The following NRP1 variants were observed in gnomAD, a reference collection of about 807,000 sequenced individuals.
NRP1 encodes neuropilin 1, also known as neuropilin-1.
NRP1 carries 35 observed loss-of-function variants against 106.7 expected under a neutral mutation model. The ratio of observed to expected loss-of-function variants is 0.33; its 90% CI spans 0.25 to 0.43. The LOEUF is 0.43. Among genes scored for constraint, NRP1 ranks in the 20% least tolerant of loss-of-function variants. The probability of loss-of-function intolerance (pLI) is 1.00; values close to 1 mark genes in which losing one functional copy is unlikely to be tolerated. For synonymous variants in NRP1, 437 were observed against 417.9 expected, an observed-to-expected ratio of 1.05 and a Z score of -0.56; for missense variants, 1,024 against 1,170.4, an observed-to-expected ratio of 0.87 and a Z score of 1.83.
chr10:33,200,609 C>G (rs1052598483), intron 11 of NRP1, among the ~76,000 whole-genome samples: 7 of 152,290 alleles, frequency 4.6e-5, no homozygotes, highest in Admixed American at 4.6e-4. Flanking sequence ...CAATAACGCT[C>G]TTGGTTTGGT....
At chr10:33,183,041 CA>C (rs1309617944) in intron 15 of NRP1, among the ~76,000 whole-genome samples, 1 of 152,132 alleles carries the variant, frequency 6.6e-6, no homozygotes, top group Non-Finnish European at 1.5e-5. Context: ...TTTTAGGAGA[CA>C]AGGGTGGGCT....
chr10:33,293,698 T>C (rs1451540743), intron 2 of NRP1, among the ~76,000 whole-genome samples: 2 of 152,342 alleles, frequency 1.3e-5, no homozygotes, highest in African/African-American at 2.4e-5. Flanking sequence ...TTCGTTATTT[T>C]TGAAGGAAGA....
At chr10:33,207,871 G>GA (rs199740898) in intron 9 of NRP1, among the ~76,000 whole-genome samples, 155 bp from the exon 10 acceptor site, 3 of 151,974 alleles carry the variant, frequency 2.0e-5, no homozygotes, top group Admixed American at 6.6e-5. Flanking sequence ...AACGAGAAAG[G>GA]AAAAAAACAA....
chr10:33,312,932 A>G (rs1308191420), intron 2 of NRP1, among the ~76,000 whole-genome samples: 2 of 152,176 alleles, frequency 1.3e-5, no homozygotes, highest in Non-Finnish European at 2.9e-5. Context: ...CAGGTTATCA[A>G]TTGCACTTAA....
intron 2 of NRP1, among the ~76,000 whole-genome samples, chr10:33,317,635 G>A (rs1360125453): frequency 1.3e-5 from 2 of 152,160 alleles, no homozygotes; most frequent in Non-Finnish European, 2.9e-5. Flanking sequence ...ATTTATGTAT[G>A]GGTTGGCTTA....
At chr10:33,269,879 G>T (rs915202390) in intron 3 of NRP1, among the ~76,000 whole-genome samples, 9 of 152,184 alleles carry the variant, frequency 5.9e-5, no homozygotes, top group African/African-American at 2.2e-4. Context: ...ATATGGGACC[G>T]TCTGGTTGCA....
chr10:33,313,193 A>G (rs535338664), intron 2 of NRP1, among the ~76,000 whole-genome samples: 316 of 152,362 alleles, frequency 2.1e-3, no homozygotes, highest in African/African-American at 7.1e-3. Flanking sequence ...AACAAGGTCT[A>G]AAACGTCTGA....
At chr10:33,325,419 A>C (rs1293092613) in intron 2 of NRP1, among the ~76,000 whole-genome samples, 2 of 152,198 alleles carry the variant, frequency 1.3e-5, no homozygotes, top group East Asian at 1.9e-4. Context: ...AATCCATGCT[A>C]GTAATAATAA....
intron 10 of NRP1, 83 bp from the exon 11 acceptor site, chr10:33,203,078 T>C (rs1464207048): frequency 1.2e-5 from 17 of 1,409,012 alleles, no homozygotes; most frequent in Non-Finnish European, 1.5e-5. Flanking sequence ...CTAACGCTTA[T>C]GCAGAAAACT....
intron 2 of NRP1, among the ~76,000 whole-genome samples, chr10:33,290,950 A>T (rs576320316): frequency 6.6e-6 from 1 of 152,166 alleles, no homozygotes; most frequent in African/African-American, 2.4e-5. Context: ...TGCTTCCTTG[A>T]TCTCTTTCTT....
At chr10:33,289,883 C>G (rs1844863459) in intron 2 of NRP1, among the ~76,000 whole-genome samples, 3 of 152,208 alleles carry the variant, frequency 2.0e-5, no homozygotes, top group African/African-American at 7.2e-5. Context: ...TACGGAAGGT[C>G]AGTATCTGCG....
At chr10:33,278,725 A>G (rs1843892448) in intron 2 of NRP1, among the ~76,000 whole-genome samples, 1 of 152,190 alleles carries the variant, frequency 6.6e-6, no homozygotes, top group Non-Finnish European at 1.5e-5. Context: ...TTTTCTATAT[A>G]TATCATACTG....
At chr10:33,203,489 T>C (rs1414022689) in intron 10 of NRP1, among the ~76,000 whole-genome samples, 2 of 152,218 alleles carry the variant, frequency 1.3e-5, no homozygotes, top group African/African-American at 4.8e-5. Context: ...TTTAGTGCAA[T>C]AGTGTTTTTT....
chr10:33,216,139 T>C (rs1265963664), intron 8 of NRP1, among the ~76,000 whole-genome samples: 2 of 136,758 alleles, frequency 1.5e-5, no homozygotes, highest in African/African-American at 2.6e-5. Context: ...TTTCTTTCTT[T>C]CTTTTTTTTT....
intron 6 of NRP1, among the ~76,000 whole-genome samples, chr10:33,243,882 A>G (rs1353859776): frequency 1.4e-5 from 2 of 146,470 alleles, no homozygotes; most frequent in Non-Finnish European, 3.0e-5. Context: ...TTAGATGGCT[A>G]AGGGAGGGAG....
At chr10:33,235,011 C>T (rs563279736) in intron 6 of NRP1, among the ~76,000 whole-genome samples, 1 of 152,308 alleles carries the variant, frequency 6.6e-6, no homozygotes, top group South Asian at 2.1e-4. Context: ...GGCTGACCTC[C>T]GTCTTTTTTG....
chr10:33,266,851 T>A (rs1394415698), intron 3 of NRP1, among the ~76,000 whole-genome samples: 1 of 152,140 alleles, frequency 6.6e-6, no homozygotes, highest in Non-Finnish European at 1.5e-5. Flanking sequence ...GCTAACACGG[T>A]GAAACCCCGT....
intron 3 of NRP1, among the ~76,000 whole-genome samples, chr10:33,265,467 G>A (rs531783498): frequency 1.1e-4 from 16 of 152,312 alleles, no homozygotes; most frequent in African/African-American, 3.8e-4. Context: ...AACTAGAGGC[G>A]ACTTATTAGA....
chr10:33,320,185 T>TACAC (rs1847392300), intron 2 of NRP1, among the ~76,000 whole-genome samples: 2 of 151,700 alleles, frequency 1.3e-5, no homozygotes, highest in Non-Finnish European at 2.9e-5. Context: ...TGGTGGCGTG[T>TACAC]GCCTGTAGTC....
Sources: allele counts gnomAD v4.1 joint callset (sites outside exome capture counted in the v4.1 genomes callset), GRCh38; gene constraint gnomAD v4.1.1; transcripts MANE v1.5; gene names NCBI Gene and HGNC (gene_info 2026-07-23, HGNC 2026-07-21).